The following POR variants were observed in gnomAD, a reference collection of about 807,000 sequenced individuals.
POR encodes cytochrome p450 oxidoreductase, also known as NADPH--cytochrome P450 reductase.
POR carries 56 observed loss-of-function variants against 84.0 expected under a neutral mutation model. The observed-to-expected ratio is 0.67, with a 90% CI of 0.54 to 0.83. The LOEUF is 0.83. POR is among the 40% of genes least tolerant of loss of function. The probability of loss-of-function intolerance (pLI) is 0.00; values close to 1 mark genes in which losing one functional copy is unlikely to be tolerated. For missense variants in POR, 938 were observed against 944.3 expected, an observed-to-expected ratio of 0.99 and a Z score of 0.09; for synonymous variants, 414 against 400.5, an observed-to-expected ratio of 1.03 and a Z score of -0.40.
At chr7:75,982,991 C>T (rs1376513358) in intron 8 of POR, among the ~76,000 whole-genome samples, 1 of 152,214 alleles carries the variant, frequency 6.6e-6, no homozygotes, top group African/African-American at 2.4e-5. Flanking sequence ...TCAGTTTCCA[C>T]ATCTGTAAAC....
At chr7:75,979,699 T>C (rs1209191199) in intron 4 of POR, 120 bp downstream of exon 4, 5 of 1,406,416 alleles carry the variant, frequency 3.6e-6, no homozygotes, top group South Asian at 1.3e-5. Flanking sequence ...GAAGACGTCC[T>C]CGGAAGTTGC....
chr7:75,917,761 C>T (rs141489191), intron 1 of POR, among the ~76,000 whole-genome samples: 289 of 152,228 alleles, frequency 1.9e-3, no homozygotes, highest in Admixed American at 3.6e-3. Context: ...TTGAATTCTG[C>T]CTCAGCCTCC....
chr7:75,922,363 G>A (rs1388948810), intron 1 of POR, among the ~76,000 whole-genome samples: 4 of 142,890 alleles, frequency 2.8e-5, no homozygotes, highest in Admixed American at 1.5e-4. Flanking sequence ...TCACTCTGTC[G>A]CCCAGGCTGG....
chr7:75,931,615 C>G (rs1217108943), intron 1 of POR, among the ~76,000 whole-genome samples: 2 of 152,102 alleles, frequency 1.3e-5, no homozygotes, highest in Admixed American at 1.3e-4. Context: ...GTGATCCTCC[C>G]GCCTTGGTCT....
chr7:75,966,748 G>A (rs1005692733), intron 2 of POR, among the ~76,000 whole-genome samples: 10 of 152,090 alleles, frequency 6.6e-5, no homozygotes, highest in African/African-American at 2.2e-4. Flanking sequence ...GGTTCATCTC[G>A]GTCCAAGTGA....
chr7:75,984,350 G>A (rs1394869609), intron 10 of POR, among the ~76,000 whole-genome samples: 4 of 152,138 alleles, frequency 2.6e-5, no homozygotes, highest in Non-Finnish European at 5.9e-5. Context: ...TGAAGCCCTC[G>A]GACCCCACTG....
Position 75,986,024 on chromosome 7 carries a change from C to A in POR, c.1771C>A (p.Leu591Ile). 6.4e-7 allele frequency: 1 copy of A among 1,562,112 alleles called. No individual in the cohort carries two copies. Among genetic ancestry groups the A allele is most frequent in the Admixed American group, 1.9e-5 (1 of 51,926 alleles). ...GGCGCAGTTCCACAGGGACGGTGCG[C>A]TCACCCAGCTCAACGTGGCCTTCTC... is the stretch of plus-strand genomic sequence containing the variant. Residue 591 changes from leucine to isoleucine, a missense_variant, in exon 14 of 16, where the codon CTC becomes ATC. Physicochemically the swap from Leu to Ile is conservative, Grantham distance 5. Coordinates refer to ENST00000461988, the MANE Select transcript of POR (RefSeq NM_000941.3).
Position 75,985,111 on chromosome 7 carries a change from G to A in POR, c.1302G>A (p.Leu434=), listed in dbSNP as rs1554558901. Residue 434 remains leucine, a synonymous_variant, in exon 12 of 16, where the codon CTG becomes CTA. Transcript: ENST00000461988. ...CCCGGAGGCACATCCTGGCCATCCT[G>A]CAGGACTGCCCGTCCCTGCGGCCCC... The A allele has an allele frequency of 1.9e-6, 3 of 1,600,154 alleles. No individual in the cohort carries two copies. Among genetic ancestry groups the A allele is most frequent in the Non-Finnish European group, 2.5e-6 (3 of 1,179,574 alleles).
chr7:75,978,267 G>C (rs759551826), intron 3 of POR, among the ~76,000 whole-genome samples: 1 of 152,174 alleles, frequency 6.6e-6, no homozygotes, highest in Non-Finnish European at 1.5e-5. Flanking sequence ...CGTGAGTTCG[G>C]AGTTCAAGAA....
At chr7:75,942,451 T>C (rs1786962809) in intron 1 of POR, among the ~76,000 whole-genome samples, 1 of 152,072 alleles carries the variant, frequency 6.6e-6, no homozygotes, top group African/African-American at 2.4e-5. Flanking sequence ...GAAGACAGCA[T>C]TTATAGATTT....
chr7:75,953,803 G>GC (rs1483295482), intron 1 of POR, among the ~76,000 whole-genome samples, 186 bp from the exon 2 acceptor site: 1 of 152,152 alleles, frequency 6.6e-6, no homozygotes, highest in Non-Finnish European at 1.5e-5. Context: ...TGTTATGTCA[G>GC]CCCCAGTCCA....
chr7:75,980,192 T>G (rs1788934048), intron 4 of POR, 147 bp from the exon 5 acceptor site: 2 of 939,816 alleles, frequency 2.1e-6, no homozygotes, highest in East Asian at 2.7e-5. Context: ...CCCCTCCGTG[T>G]TGTTACTTCT....
At position 75,979,794 on chromosome 7, in the gene POR, G is replaced by A. The variant is rs537469333; in HGVS notation, c.366+215G>A. 1.1e-4 allele frequency: 66 copies of A among 622,114 alleles called. 2 individuals are homozygous for A. The South Asian group carries it at 1.2e-3, about 11-fold the overall frequency. The allele number at this position is 622,114 out of a possible 1,614,324, so 38.5% of individuals were successfully genotyped here. On this transcript the variant is annotated intron_variant, in intron 4 of 15. Transcript: ENST00000461988. The stretch of plus-strand genomic sequence containing the variant: ...CAGTTGCAGCCACGTGCCAGGCATC[G>A]TTTCCCCAGGACTGGCCCTCCCCTG...
chr7:75,939,536 CT>C lies in POR; in HGVS notation c.-4-14431del, dbSNP rs3043448. Among the ~76,000 whole-genome samples the C allele has an allele frequency of 6.3e-3, 799 of 126,082 alleles. 5 individuals are homozygous for C. The highest frequency in any genetic ancestry group is 0.012 in the Middle Eastern group (3 of 244). 82.7% of individuals were successfully genotyped at this position (126,082 alleles called of 152,430 possible). A position where few individuals can be genotyped will look rare whatever the true frequency, so the allele number is the denominator to read the frequency against. ...AGGCCCCACAGGCCCTACTCAACAG[CT>C]TTTTTTTTTTTTTTTTTTTTTAAAT... On this transcript the variant is annotated intron_variant, in intron 1 of 15. Coordinates refer to ENST00000461988, the MANE Select transcript of POR (RefSeq NM_000941.3).
In POR at chr7:75,982,297, C is replaced by G. The variant is rs782595883; in HGVS notation, c.805C>G (p.Leu269Val). Residue 269 changes from leucine to valine, a missense_variant, in exon 8 of 16, where the codon CTG becomes GTG. Coordinates refer to ENST00000461988, the MANE Select transcript of POR (RefSeq NM_000941.3). Reference sequence around the variant, plus strand: ...GGTGTACATGGGGGAGATGGGCCGGCTGAAGAGCTACGAGAACCAGAAGCC... The same window carrying G: ...GGTGTACATGGGGGAGATGGGCCGGGTGAAGAGCTACGAGAACCAGAAGCC... The G allele has an allele frequency of 6.2e-7, 1 of 1,612,430 alleles. No homozygotes were observed. The highest frequency in any genetic ancestry group is 1.7e-5 in the Admixed American group (1 of 59,824).
intron 10 of POR, among the ~76,000 whole-genome samples, chr7:75,984,203 G>A (rs1387607363): frequency 3.9e-5 from 6 of 152,212 alleles, no homozygotes; most frequent in African/African-American, 1.4e-4. Flanking sequence ...GCCTGGGGCT[G>A]CCCCCACCTC....
At chr7:75,980,654 A>T (rs1788964201) in intron 5 of POR, 166 bp downstream of exon 5, 1 of 1,546,298 alleles carries the variant, frequency 6.5e-7, no homozygotes, top group African/African-American at 1.4e-5. Context: ...CCCCAGCACT[A>T]CGAGAATGTC....
At chr7:75,922,903 C>T (rs1200491563) in intron 1 of POR, 15 of 636,904 alleles carry the variant, frequency 2.4e-5, no homozygotes, top group Admixed American at 1.9e-4. Context: ...CAGGTTTAAA[C>T]GACTGGAATC....
At position 75,986,647 on chromosome 7, in the gene POR, G is replaced by T; in HGVS notation, c.*166G>T. On this transcript the variant is annotated 3_prime_UTR_variant, in exon 16 of 16. Coordinates refer to ENST00000461988, the MANE Select transcript of POR (RefSeq NM_000941.3). ...TGCATCCTCCTCAGCCCCCAGGCCA[G>T]GTGAGGTCCACCGGCCCCTGGCAGC... 1.2e-6 allele frequency: 1 copy of T among 866,680 alleles called. No homozygotes were observed. Among genetic ancestry groups the T allele is most frequent in the Admixed American group, 2.8e-5 (1 of 36,350 alleles). The allele number at this position is 866,680 out of a possible 1,614,324, so 53.7% of individuals were successfully genotyped here. A position where few individuals can be genotyped will look rare whatever the true frequency, so the allele number is the denominator to read the frequency against.
Sources: allele counts gnomAD v4.1 joint callset (sites outside exome capture counted in the v4.1 genomes callset), GRCh38; gene constraint gnomAD v4.1.1; transcripts MANE v1.5; gene names NCBI Gene and HGNC (gene_info 2026-07-23, HGNC 2026-07-21).